Variants in GRAMD1B observed in about 807,000 individuals in gnomAD.
GRAMD1B encodes the protein protein Aster-B.
In GRAMD1B, 37 loss-of-function variants were observed where a neutral mutation model predicts 99.7. The ratio of observed to expected loss-of-function variants is 0.37; its 90% CI spans 0.29 to 0.49. The LOEUF (loss-of-function observed/expected upper bound fraction) is 0.49, where lower values mean the gene tolerates loss of function less well. GRAMD1B is among the 20% of genes least tolerant of loss of function. GRAMD1B has a pLI of 0.98. For missense variants in GRAMD1B, 888 were observed against 1,009.2 expected, an observed-to-expected ratio of 0.88 and a Z score of 1.63; for synonymous variants, 427 against 387.6, an observed-to-expected ratio of 1.10 and a Z score of -1.19.
At chr11:123,361,518 C>A (rs944734838) in intron 1 of GRAMD1B, among the ~76,000 whole-genome samples, 18 of 152,290 alleles carry the variant, frequency 1.2e-4, no homozygotes, top group Non-Finnish European at 2.5e-4. Flanking sequence ...AAGATTTTTA[C>A]TTTCTTCTTC....
At chr11:123,516,421 G>A (rs943243131) in intron 2 of GRAMD1B, among the ~76,000 whole-genome samples, 1 of 152,174 alleles carries the variant, frequency 6.6e-6, no homozygotes, top group African/African-American at 2.4e-5. Context: ...GTTTAAAGTC[G>A]AACTCATTAG....
intron 1 of GRAMD1B, among the ~76,000 whole-genome samples, chr11:123,447,099 C>G (rs1199946723): frequency 1.3e-5 from 2 of 151,916 alleles, no homozygotes; most frequent in African/African-American, 2.4e-5. Context: ...GGCATTCAGA[C>G]TAAAGCATGA....
At position 123,548,685 on chromosome 11, in the gene GRAMD1B, G is replaced by A. The variant is rs112278759; in HGVS notation, c.453-28682G>A. ...TGCAGTGGTGCAATCATGGCTTACT[G>A]CAGCTGTGAACTCCTGAGCTCAGGT... On this transcript the variant is annotated intron_variant, in intron 2 of 19. Transcript: ENST00000635736. 4.4e-3 allele frequency among the ~76,000 whole-genome samples: 665 copies of A among 152,164 alleles called. 5 individuals are homozygous for A. The highest frequency in any genetic ancestry group is 0.014 in the African/African-American group (569 of 41,514).
chr11:123,437,778 A>T (rs748772352), intron 1 of GRAMD1B, among the ~76,000 whole-genome samples: 1 of 152,140 alleles, frequency 6.6e-6, no homozygotes, highest in South Asian at 2.1e-4. Context: ...GCATTGGTAT[A>T]TTTATCTTGA....
In GRAMD1B at chr11:123,606,651, G is replaced by A. The variant is rs749953166; in HGVS notation, c.1366G>A (p.Gly456Arg). Residue 456 changes from glycine to arginine, a missense_variant, in exon 11 of 20, where the codon GGG becomes AGG. By Grantham distance (125) the Gly-to-Arg change is moderately radical. Around this residue, in one of 5 missense-constraint regions of GRAMD1B, gnomAD observed 269 missense variants for 296.6 expected, o/e 0.91. Transcript: ENST00000635736. ...GGAGGAAGAGGCGCTGGAGGGAGAC[G>A]GGTCCCTGGAAAAGGAGCTCGCCAT... ...PLEEEALEGD[G>R]SLEKELAIDN... The A allele has an allele frequency of 1.1e-5, 17 of 1,612,788 alleles. No individual in the cohort carries two copies. Among genetic ancestry groups the A allele is most frequent in the South Asian group, 5.5e-5 (5 of 90,640 alleles).
Position 123,405,824 on chromosome 11 carries a change from C to G in GRAMD1B, c.-176+47025C>G, listed in dbSNP as rs1947836172. Among the ~76,000 whole-genome samples, 2 of 152,076 alleles carry G rather than the reference C, an allele frequency of 1.3e-5. 1 individual carries two copies. The highest frequency in any genetic ancestry group is 4.1e-4 in the South Asian group (2 of 4,828). ...TAAAATGAATTTAGGGAGTTATGAG[C>G]ACAATATTATGAAAAATTAAATAGA... On this transcript the variant is annotated intron_variant, in intron 1 of 20. Transcript: ENST00000638157.
chr11:123,414,013 C>T (rs185854954), intron 1 of GRAMD1B, among the ~76,000 whole-genome samples: 29 of 151,808 alleles, frequency 1.9e-4, no homozygotes, highest in African/African-American at 6.5e-4. Flanking sequence ...TTAGAAGAAA[C>T]TGTTAGTGGT....
At chr11:123,440,603 A>G (rs781600686) in intron 1 of GRAMD1B, among the ~76,000 whole-genome samples, 8 of 152,240 alleles carry the variant, frequency 5.3e-5, no homozygotes, top group Non-Finnish European at 1.0e-4. Context: ...TAATTTTATC[A>G]TGTTAACTCA....
chr11:123,489,149 A>T (rs1163429600), intron 2 of GRAMD1B, among the ~76,000 whole-genome samples: 1 of 152,196 alleles, frequency 6.6e-6, no homozygotes, highest in Non-Finnish European at 1.5e-5. Flanking sequence ...AGTTAAAAAA[A>T]AAAATTGAAA....
At chr11:123,619,439 T>C in intron 19 of GRAMD1B, 1 of 1,352,736 alleles carries the variant, frequency 7.4e-7, no homozygotes, top group Non-Finnish European at 9.6e-7. Context: ...AACAATAAAA[T>C]GACCCACTGA....
intron 2 of GRAMD1B, among the ~76,000 whole-genome samples, chr11:123,542,767 T>C (rs1240462028): frequency 2.0e-5 from 3 of 152,042 alleles, no homozygotes; most frequent in Non-Finnish European, 4.4e-5. Flanking sequence ...ATTCTTCTGC[T>C]TCAGCCTCCC....
At chr11:123,422,400 T>C (rs1407057978) in intron 1 of GRAMD1B, among the ~76,000 whole-genome samples, 1 of 152,196 alleles carries the variant, frequency 6.6e-6, no homozygotes, top group African/African-American at 2.4e-5. Flanking sequence ...GGAATGGTTG[T>C]CCAGAGCTGG....
intron 1 of GRAMD1B, among the ~76,000 whole-genome samples, chr11:123,449,499 C>T (rs1949783893): frequency 6.6e-6 from 1 of 152,130 alleles, no homozygotes; most frequent in South Asian, 2.1e-4. Flanking sequence ...TATGTATTGG[C>T]TTGTTTGTCT....
At chr11:123,546,469 C>T (rs756627347) in intron 2 of GRAMD1B, among the ~76,000 whole-genome samples, 3 of 152,162 alleles carry the variant, frequency 2.0e-5, no homozygotes, top group Non-Finnish European at 4.4e-5. Flanking sequence ...TCTTTCTATT[C>T]ACTACTTAGG....
intron 2 of GRAMD1B, among the ~76,000 whole-genome samples, chr11:123,537,735 T>A (rs1944111250): frequency 6.6e-6 from 1 of 152,220 alleles, no homozygotes; most frequent in African/African-American, 2.4e-5. Flanking sequence ...GAGCCAACCA[T>A]TACCATTTAG....
intron 1 of GRAMD1B, among the ~76,000 whole-genome samples, chr11:123,411,734 ACTTCCAGGGCTTCAGTGATC>A (rs1355273907): frequency 6.6e-6 from 1 of 152,024 alleles, no homozygotes; most frequent in Non-Finnish European, 1.5e-5. Flanking sequence ...TGCAGCCTTG[ACTTCCAGGGCTTCAGTGATC>A]CTCCCACCTC....
intron 1 of GRAMD1B, among the ~76,000 whole-genome samples, chr11:123,443,515 G>A (rs761151310): frequency 5.3e-5 from 8 of 152,084 alleles, no homozygotes; most frequent in Non-Finnish European, 1.2e-4. Flanking sequence ...TGAACAGTTC[G>A]AAGCTGGGGG....
At position 123,601,819 on chromosome 11, in the gene GRAMD1B, C is replaced by T. The variant is rs558449322; in HGVS notation, c.1050+1271C>T. Among the ~76,000 whole-genome samples, 7 of 152,316 alleles carry T rather than the reference C, an allele frequency of 4.6e-5. No individual in the cohort carries two copies. The East Asian group carries it at 1.2e-3, about 25-fold the overall frequency. On this transcript the variant is annotated intron_variant, in intron 8 of 19. Transcript: ENST00000635736. The stretch of plus-strand genomic sequence containing the variant: ...GCTGCTGTCATTTTTAAGTAAGACA[C>T]AGGGTCATTCATATGCTTCGCAAAT...
At chr11:123,366,882 T>C (rs1001670690) in intron 1 of GRAMD1B, among the ~76,000 whole-genome samples, 2 of 152,212 alleles carry the variant, frequency 1.3e-5, no homozygotes, top group East Asian at 3.8e-4. Context: ...ATTATCACTT[T>C]ATATTATTAC....
Sources: allele counts gnomAD v4.1 joint callset (sites outside exome capture counted in the v4.1 genomes callset), GRCh38; gene constraint gnomAD v4.1.1; regional missense constraint gnomAD v4.1.1; transcripts MANE v1.5; gene names NCBI Gene and HGNC (gene_info 2026-07-23, HGNC 2026-07-21).